SATL1: variants seen among roughly 807,000 people sequenced by gnomAD.
SATL1 encodes the protein spermidine/spermine N(1)-acetyltransferase-like protein 1.
A neutral mutation model predicts 51.8 loss-of-function variants in SATL1; 47 were observed. The ratio of observed to expected loss-of-function variants is 0.91; its 90% confidence interval spans 0.72 to 1.16. The LOEUF (loss-of-function observed/expected upper bound fraction) is 1.16, where lower values mean the gene tolerates loss of function less well. SATL1 is among the 50% of genes most tolerant of loss of function. SATL1 has a pLI of 0.00. For synonymous variants in SATL1, 176 were observed against 182.4 expected, an observed-to-expected ratio of 0.97 and a Z score of 0.28; for missense variants, 520 against 526.4, an observed-to-expected ratio of 0.99 and a Z score of 0.12.
chrX:85,097,049 T>C (rs1257324522), intron 4 of SATL1, among the ~76,000 whole-genome samples: 5 of 111,987 alleles, frequency 4.5e-5, no homozygotes, highest in Non-Finnish European at 9.4e-5. Context: ...TAATTATGTT[T>C]ATACAGTCGA....
At chrX:85,181,911 G>T (rs1351727038) in intron 2 of SATL1, among the ~76,000 whole-genome samples, 2 of 110,894 alleles carry the variant, frequency 1.8e-5, no homozygotes, top group African/African-American at 6.5e-5. Context: ...GGATTTTTTT[G>T]TACATTTGAA....
intron 2 of SATL1, among the ~76,000 whole-genome samples, chrX:85,148,105 T>TA (rs1263721974): frequency 9.0e-6 from 1 of 111,043 alleles, no homozygotes; most frequent in Non-Finnish European, 1.9e-5. Flanking sequence ...ATAACTAGAA[T>TA]AACCAATACA....
At chrX:85,106,602 C>G (rs946545734) in intron 3 of SATL1, among the ~76,000 whole-genome samples, 1 of 112,004 alleles carries the variant, frequency 8.9e-6, no homozygotes, top group African/African-American at 3.3e-5. Context: ...TGTAGGTTGT[C>G]CATCACATAA....
At chrX:85,221,557 C>T (rs1200829054) in intron 2 of SATL1, among the ~76,000 whole-genome samples, 2 of 111,917 alleles carry the variant, frequency 1.8e-5, no homozygotes, top group Non-Finnish European at 3.8e-5. Context: ...GCTATGTGCT[C>T]TAGTCATACT....
chrX:85,147,584 G>C (rs1263378794), intron 2 of SATL1, among the ~76,000 whole-genome samples: 1 of 112,038 alleles, frequency 8.9e-6, no homozygotes, highest in African/African-American at 3.2e-5. Flanking sequence ...AGTAGGGGCA[G>C]ACTGACACCT....
intron 2 of SATL1, among the ~76,000 whole-genome samples, chrX:85,125,362 C>T (rs764371625): frequency 2.3e-4 from 26 of 111,218 alleles, no homozygotes; most frequent in South Asian, 7.5e-4. Flanking sequence ...TTAGTTTTAA[C>T]GTGGAAATGT....
intron 5 of SATL1, among the ~76,000 whole-genome samples, chrX:85,094,661 C>T (rs988063196): frequency 8.1e-5 from 9 of 111,276 alleles, no homozygotes; most frequent in Non-Finnish European, 1.3e-4. Flanking sequence ...CACTTGAGCA[C>T]AGGAGTTTAG....
In SATL1 at chrX:85,094,923, T is replaced by C; in HGVS notation, c.1767A>G (p.Lys589=). The C allele has an allele frequency of 8.6e-7, 1 of 1,166,245 alleles. No homozygotes were observed. Among genetic ancestry groups the C allele is most frequent in the Non-Finnish European group, 1.2e-6 (1 of 856,881 alleles). ...AAGAAAGGTTTACTCTACCTGATGG[T>C]TTTTGTTGATCGTTTACTTCTGCAA... The part of the protein sequence containing the change: ...CLIAEVNDQQ[K]PSGKLTVGFA... The change falls in exon 5 of 8, where the codon AAA becomes AAG. Residue 589 remains lysine, a synonymous_variant. Coordinates refer to ENST00000644105, the MANE Select transcript of SATL1 (RefSeq NM_001367857.2).
intron 2 of SATL1, among the ~76,000 whole-genome samples, chrX:85,136,908 A>G (rs1244298890): frequency 1.8e-5 from 2 of 111,795 alleles, no homozygotes; most frequent in African/African-American, 3.3e-5. Context: ...GCTATAAAGA[A>G]AAGGCAATAA....
chrX:85,150,384 G>T (rs1001600040), intron 2 of SATL1, among the ~76,000 whole-genome samples: 1 of 109,816 alleles, frequency 9.1e-6, no homozygotes, highest in African/African-American at 3.3e-5. Flanking sequence ...TCTACCAGAG[G>T]TACAAGGAGG....
chrX:85,150,491 A>AG (rs201253469), intron 2 of SATL1, among the ~76,000 whole-genome samples: 5,178 of 108,818 alleles, frequency 0.048, 358 homozygotes, highest in African/African-American at 0.16. Context: ...CTGATACCAA[A>AG]GCCGGGCAGA....
intron 2 of SATL1, among the ~76,000 whole-genome samples, chrX:85,141,353 A>C (rs1029013117): frequency 6.2e-5 from 7 of 112,165 alleles, no homozygotes; most frequent in Admixed American, 3.8e-4. Context: ...TATGTGCTTC[A>C]CATAGATAAT....
At chrX:85,135,772 G>T (rs191566256) in intron 2 of SATL1, among the ~76,000 whole-genome samples, 1 of 102,722 alleles carries the variant, frequency 9.7e-6, no homozygotes, top group Non-Finnish European at 2.0e-5. Flanking sequence ...TAGAGATGGG[G>T]TTTCACCATG....
At chrX:85,199,913 A>G (rs1284825949) in intron 2 of SATL1, among the ~76,000 whole-genome samples, 2 of 111,901 alleles carry the variant, frequency 1.8e-5, no homozygotes, top group Non-Finnish European at 3.8e-5. Flanking sequence ...ACAGTCAACA[A>G]TAATTTATTG....
At chrX:85,232,722 G>A (rs1817610534) in intron 1 of SATL1, among the ~76,000 whole-genome samples, 1 of 111,578 alleles carries the variant, frequency 9.0e-6, no homozygotes, top group African/African-American at 3.3e-5. Flanking sequence ...AAAAGAAAAG[G>A]GAAAAGTGTA....
chrX:85,222,813 C>A (rs987485551), intron 2 of SATL1, among the ~76,000 whole-genome samples: 1 of 111,743 alleles, frequency 8.9e-6, no homozygotes, highest in Non-Finnish European at 1.9e-5. Flanking sequence ...GCAAAGATAA[C>A]AATATGCTAA....
At chrX:85,239,621 G>C (rs1928546985) in intron 1 of SATL1, among the ~76,000 whole-genome samples, 2 of 111,868 alleles carry the variant, frequency 1.8e-5, no homozygotes, top group African/African-American at 6.5e-5. Context: ...TAAAGCTAAA[G>C]TAATCAAGTC....
chrX:85,173,022 T>C (rs976478893), intron 2 of SATL1, among the ~76,000 whole-genome samples: 1 of 111,846 alleles, frequency 8.9e-6, no homozygotes, highest in African/African-American at 3.2e-5. Context: ...TCTAGAATTA[T>C]TTTTAAAATA....
At chrX:85,124,010 A>T (rs180914305) in intron 2 of SATL1, among the ~76,000 whole-genome samples, 289 of 111,603 alleles carry the variant, frequency 2.6e-3, no homozygotes, top group Non-Finnish European at 4.2e-3. Context: ...ATTACATTAA[A>T]TTTTTTTAAT....
Sources: gnomAD v4.1 joint callset for allele counts (sites outside exome capture counted in the v4.1 genomes callset) on GRCh38, gnomAD v4.1.1 for gene constraint, MANE v1.5 for transcripts, NCBI Gene and HGNC (gene_info 2026-07-23, HGNC 2026-07-21) for gene names.